Variants in ME1 observed in about 807,000 individuals in gnomAD.
ME1 encodes NADP-dependent malic enzyme.
In ME1, 74 loss-of-function variants were observed where a neutral mutation model predicts 66.4. The observed-to-expected ratio is 1.11, with a 90% CI of 0.92 to 1.35. ME1 has a LOEUF of 1.35. Ranked by LOEUF, ME1 falls within the 40% of genes most tolerant of loss-of-function variation. The pLI, the probability that ME1 is intolerant of heterozygous loss-of-function variation, is 0.00. For synonymous variants in ME1, 251 were observed against 235.6 expected, an observed-to-expected ratio of 1.07 and a Z score of -0.60; for missense variants, 750 against 694.1, an observed-to-expected ratio of 1.08 and a Z score of -0.90.
intron 5 of ME1, among the ~76,000 whole-genome samples, chr6:83,325,188 T>A (rs1768264341): frequency 6.6e-6 from 1 of 152,090 alleles, no homozygotes; most frequent in Non-Finnish European, 1.5e-5. Context: ...AAACACTCAA[T>A]AAACTAGGTA....
At chr6:83,427,229 C>T (rs1297345563) in intron 1 of ME1, among the ~76,000 whole-genome samples, 2 of 152,104 alleles carry the variant, frequency 1.3e-5, no homozygotes, top group Non-Finnish European at 2.9e-5. Context: ...TGATGAAATC[C>T]TACCTTGAAT....
At chr6:83,346,108 C>G (rs1768679163) in intron 5 of ME1, 65 bp downstream of exon 5, 1 of 1,270,488 alleles carries the variant, frequency 7.9e-7, no homozygotes, top group South Asian at 2.0e-5. Context: ...GGAATAAGTT[C>G]AAAATGCAAG....
At chr6:83,397,996 C>T (rs550042877) in intron 3 of ME1, among the ~76,000 whole-genome samples, 4 of 151,930 alleles carry the variant, frequency 2.6e-5, no homozygotes, top group East Asian at 1.9e-4. Context: ...GAGCGGGTTG[C>T]GGGATTAGGG....
At position 83,211,898 on chromosome 6, in the gene ME1, T is replaced by TA. The variant is rs1562447461; in HGVS notation, c.*25dup. 6.7e-7 allele frequency: 1 copy of TA among 1,490,964 alleles called. No homozygotes were observed. The highest frequency in any genetic ancestry group is 2.0e-5 in the Admixed American group (1 of 49,906). The allele number at this position is 1,490,964 out of a possible 1,614,324, so 92.4% of individuals were successfully genotyped here. A position where few individuals can be genotyped will look rare whatever the true frequency, so the allele number is the denominator to read the frequency against. ...ATGAAAGGTTTAAAGACCTCATTAA[T>TA]AGAGTTAGAAATGTTTGCTATTATC... On this transcript the variant is annotated 3_prime_UTR_variant, in exon 14 of 14. Transcript: ENST00000369705.
At chr6:83,293,252 A>G (rs746574828) in intron 6 of ME1, among the ~76,000 whole-genome samples, 2 of 152,170 alleles carry the variant, frequency 1.3e-5, no homozygotes, top group Non-Finnish European at 2.9e-5. Context: ...TGTAGACCAG[A>G]GCGTTCCTAT....
intron 11 of ME1, among the ~76,000 whole-genome samples, chr6:83,225,808 TTATATATATATA>T (rs57577563): frequency 9.4e-5 from 13 of 137,998 alleles, no homozygotes; most frequent in Admixed American, 2.2e-4. Context: ...GCCTGTAACA[TTATATATATATA>T]TATATATATA....
chr6:83,341,767 A>C (rs971823860), intron 5 of ME1, among the ~76,000 whole-genome samples: 4 of 152,086 alleles, frequency 2.6e-5, no homozygotes, highest in African/African-American at 9.7e-5. Context: ...GAAAACCCTA[A>C]CTTTCTACGC....
At chr6:83,233,835 A>G (rs912638331) in intron 9 of ME1, among the ~76,000 whole-genome samples, 9 of 152,178 alleles carry the variant, frequency 5.9e-5, no homozygotes, top group African/African-American at 1.9e-4. Context: ...ACACTAATTT[A>G]CTGGTTATTC....
chr6:83,259,599 T>C (rs904608113), intron 6 of ME1, among the ~76,000 whole-genome samples: 1 of 152,174 alleles, frequency 6.6e-6, no homozygotes, highest in Non-Finnish European at 1.5e-5. Flanking sequence ...TGATGAATGG[T>C]CTTGAATGCT....
intron 6 of ME1, among the ~76,000 whole-genome samples, chr6:83,298,423 T>A (rs531642115): frequency 1.5e-4 from 23 of 152,314 alleles, no homozygotes; most frequent in South Asian, 2.1e-4. Flanking sequence ...TGTTTTTTTT[T>A]ATTGTAAATT....
intron 1 of ME1, among the ~76,000 whole-genome samples, chr6:83,417,951 A>G (rs1375213756): frequency 2.0e-5 from 3 of 152,226 alleles, no homozygotes; most frequent in African/African-American, 7.2e-5. Context: ...AGGAGACCAC[A>G]GACTTCATCA....
intron 4 of ME1, among the ~76,000 whole-genome samples, chr6:83,348,817 G>A (rs1307872772): frequency 1.3e-5 from 2 of 151,246 alleles, no homozygotes; most frequent in Non-Finnish European, 2.9e-5. Context: ...GCAAAACCCC[G>A]TTTCTACTAA....
intron 3 of ME1, among the ~76,000 whole-genome samples, chr6:83,385,982 C>G (rs1769496577): frequency 6.6e-6 from 1 of 151,736 alleles, no homozygotes. Context: ...ACTGAGGTAA[C>G]AGTTAAGACT....
chr6:83,216,441 C>T (rs1583322889), intron 13 of ME1, 57 bp downstream of exon 13: 1 of 1,153,196 alleles, frequency 8.7e-7, no homozygotes. Flanking sequence ...TTTAAAAATG[C>T]ATATTTAGCA....
chr6:83,404,266 G>GT (rs145726206), intron 2 of ME1, among the ~76,000 whole-genome samples: 49 of 151,808 alleles, frequency 3.2e-4, no homozygotes, highest in African/African-American at 1.0e-3. Flanking sequence ...GTGATGATGA[G>GT]TTTTTTTTCA....
chr6:83,352,642 T>C (rs1047136869), intron 3 of ME1, among the ~76,000 whole-genome samples: 1 of 152,178 alleles, frequency 6.6e-6, no homozygotes, highest in Non-Finnish European at 1.5e-5. Flanking sequence ...CATGTGGAGC[T>C]CACTTGATTT....
chr6:83,429,720 A>G (rs1187759439), intron 1 of ME1, among the ~76,000 whole-genome samples: 3 of 152,172 alleles, frequency 2.0e-5, no homozygotes, highest in Non-Finnish European at 2.9e-5. Context: ...ACTCACACTG[A>G]CTATAACTTG....
intron 11 of ME1, among the ~76,000 whole-genome samples, chr6:83,225,776 G>A (rs1331744494): frequency 2.7e-5 from 4 of 145,816 alleles, no homozygotes; most frequent in African/African-American, 1.0e-4. Flanking sequence ...AAAGGTTTTG[G>A]AAAATTATAT....
At chr6:83,386,954 T>G (rs1769515768) in intron 3 of ME1, among the ~76,000 whole-genome samples, 1 of 152,070 alleles carries the variant, frequency 6.6e-6, no homozygotes, top group Non-Finnish European at 1.5e-5. Flanking sequence ...CTGTGAGAAA[T>G]GAATTTCTGT....
Sources: gnomAD v4.1 joint callset for allele counts (sites outside exome capture counted in the v4.1 genomes callset) on GRCh38, gnomAD v4.1.1 for gene constraint, MANE v1.5 for transcripts, NCBI Gene and HGNC (gene_info 2026-07-23, HGNC 2026-07-21) for gene names.